Variants in ATP8A1 observed in about 807,000 individuals in gnomAD.
ATP8A1 encodes phospholipid-transporting ATPase IA.
A neutral mutation model predicts 177.7 loss-of-function variants in ATP8A1; 90 were observed. That is an observed-to-expected ratio of 0.51 (90% CI 0.43 to 0.60). ATP8A1 has a LOEUF of 0.60. Ranked by LOEUF, ATP8A1 falls within the 20% of genes least tolerant of loss-of-function variation. The pLI is 0.00. For synonymous variants in ATP8A1, 493 were observed against 485.9 expected (o/e 1.01, Z -0.19); for missense variants, 1,072 against 1,392.8 (o/e 0.77, Z 3.67).
chr4:42,580,670 G>A (rs12645745), intron 10 of ATP8A1, among the ~76,000 whole-genome samples: 27,902 of 152,098 alleles, frequency 0.18, 2,804 homozygotes, highest in East Asian at 0.35. Context: ...CAGCAATCTC[G>A]CTTGCCTATT....
intron 25 of ATP8A1, among the ~76,000 whole-genome samples, chr4:42,480,263 G>A (rs1300740940): frequency 2.0e-5 from 3 of 152,126 alleles, no homozygotes; most frequent in African/African-American, 7.2e-5. Flanking sequence ...GAATAGCAAA[G>A]GAGATGGACA....
At chr4:42,500,410 C>T (rs964708156) in intron 24 of ATP8A1, among the ~76,000 whole-genome samples, 1 of 137,938 alleles carries the variant, frequency 7.2e-6, no homozygotes, top group African/African-American at 2.7e-5. Flanking sequence ...CAAAACAAAA[C>T]AAAAACAGAA....
chr4:42,521,042 T>C (rs771478744), intron 22 of ATP8A1, among the ~76,000 whole-genome samples: 2 of 152,090 alleles, frequency 1.3e-5, no homozygotes, highest in Non-Finnish European at 2.9e-5. Context: ...GAGGTACTGG[T>C]GGCACCAGCC....
chr4:42,446,957 A>AAAGAACTCTGTT (rs1447387825), intron 30 of ATP8A1, among the ~76,000 whole-genome samples: 2 of 152,168 alleles, frequency 1.3e-5, no homozygotes, highest in African/African-American at 4.8e-5. Context: ...GGATCGTAAT[A>AAAGAACTCTGTT]AAGAACTCTG....
chr4:42,509,231 G>A (rs1462439381), intron 22 of ATP8A1, among the ~76,000 whole-genome samples: 1 of 152,206 alleles, frequency 6.6e-6, no homozygotes, highest in Non-Finnish European at 1.5e-5. Flanking sequence ...AATACCAACT[G>A]TATCTATCTC....
At chr4:42,508,518 T>C (rs974884964) in intron 22 of ATP8A1, among the ~76,000 whole-genome samples, 2 of 152,236 alleles carry the variant, frequency 1.3e-5, no homozygotes, top group African/African-American at 4.8e-5. Flanking sequence ...TCTTGGCTGT[T>C]AGGGAAACCT....
intron 33 of ATP8A1, 132 bp from the exon 34 acceptor site, chr4:42,423,837 G>A (rs1714279239): frequency 2.0e-6 from 1 of 493,020 alleles, no homozygotes; most frequent in Admixed American, 3.8e-5. Flanking sequence ...CTCTGAATTC[G>A]AACTTATGAA....
intron 33 of ATP8A1, among the ~76,000 whole-genome samples, chr4:42,429,388 T>G (rs979537213): frequency 2.0e-5 from 3 of 151,086 alleles, no homozygotes; most frequent in African/African-American, 7.3e-5. Flanking sequence ...AGTGTTTTGT[T>G]TTTTTTTTTG....
chr4:42,425,223 T>C (rs1560309551), intron 33 of ATP8A1, among the ~76,000 whole-genome samples: 1 of 150,402 alleles, frequency 6.6e-6, no homozygotes, highest in Non-Finnish European at 1.5e-5. Flanking sequence ...TTAATTTGGT[T>C]GGGGGGGGGC....
In ATP8A1 at chr4:42,414,663, A is replaced by T. The variant is rs1212537397; in HGVS notation, c.3361T>A (p.Leu1121Met). The T allele has an allele frequency of 6.2e-6, 10 of 1,613,958 alleles. No homozygotes were observed. In the African/African-American group the frequency reaches 1.2e-4, roughly 19 times the overall value. The change falls in exon 36 of 37, where the codon TTG becomes ATG. Residue 1121 changes from leucine to methionine, a missense_variant. Transcript: ENST00000381668. ...TGTTGCAAGGATTCAGAGCGGTACA[A>T]GTTCACGTGGTTCTTCTTAAAGACG... ...KNVFKKNHVN[L>M]YRSESLQQNL...
At chr4:42,514,306 C>T (rs1363007709) in intron 22 of ATP8A1, among the ~76,000 whole-genome samples, 3 of 152,148 alleles carry the variant, frequency 2.0e-5, no homozygotes, top group East Asian at 1.9e-4. Flanking sequence ...GCAAAAACAA[C>T]GCATCCATCT....
chr4:42,619,914 A>G (rs1183357238), intron 4 of ATP8A1, among the ~76,000 whole-genome samples: 7 of 152,156 alleles, frequency 4.6e-5, no homozygotes, highest in Non-Finnish European at 1.0e-4. Flanking sequence ...CACCCTTGCT[A>G]CAATAACCAC....
chr4:42,533,922 A>G (rs1418779762), intron 20 of ATP8A1, among the ~76,000 whole-genome samples: 1 of 152,152 alleles, frequency 6.6e-6, no homozygotes, highest in African/African-American at 2.4e-5. Context: ...GAACGGAAAT[A>G]ACAATCACTG....
chr4:42,485,779 G>A, intron 24 of ATP8A1, 111 bp from the exon 25 acceptor site: 1 of 883,472 alleles, frequency 1.1e-6, no homozygotes, highest in South Asian at 1.8e-5. Flanking sequence ...TGCTTTTTAT[G>A]TTTCAAATTG....
intron 25 of ATP8A1, among the ~76,000 whole-genome samples, chr4:42,479,497 G>T (rs75948681): frequency 6.6e-6 from 1 of 152,188 alleles, no homozygotes. Context: ...ACAGGTCAGA[G>T]AAATGCCATA....
intron 22 of ATP8A1, among the ~76,000 whole-genome samples, chr4:42,518,157 C>T (rs1725747974): frequency 6.6e-6 from 1 of 152,300 alleles, no homozygotes; most frequent in Admixed American, 6.5e-5. Context: ...ATTGGAGGAA[C>T]AAGAGGCAGA....
chr4:42,468,559 G>GT (rs1720067074), intron 25 of ATP8A1, among the ~76,000 whole-genome samples: 1 of 152,120 alleles, frequency 6.6e-6, no homozygotes, highest in Admixed American at 6.6e-5. Context: ...GACTATTATT[G>GT]TAAGTGAAGT....
intron 6 of ATP8A1, among the ~76,000 whole-genome samples, chr4:42,597,571 T>C (rs1180584673): frequency 6.6e-6 from 1 of 152,248 alleles, no homozygotes; most frequent in Non-Finnish European, 1.5e-5. Flanking sequence ...CCATGTGACA[T>C]TACAGATTTT....
At position 42,496,221 on chromosome 4, in the gene ATP8A1, A is replaced by G. The variant is rs181708544; in HGVS notation, c.2151+7229T>C. On this transcript the variant is annotated intron_variant, in intron 24 of 36. Coordinates refer to ENST00000381668, the MANE Select transcript of ATP8A1 (RefSeq NM_006095.2). ...TCTGTGTTTCAGCACGGGGGTGGGG[A>G]CATGTAGCAAAGACAGACAAATCCA... Among the ~76,000 whole-genome samples the G allele has an allele frequency of 3.0e-4, 45 of 152,266 alleles. 1 individual carries two copies. Among genetic ancestry groups the G allele is most frequent in the African/African-American group, 1.1e-3 (44 of 41,546 alleles).
Sources: gnomAD v4.1 joint callset for allele counts (sites outside exome capture counted in the v4.1 genomes callset) on GRCh38, gnomAD v4.1.1 for gene constraint, MANE v1.5 for transcripts, NCBI Gene and HGNC (gene_info 2026-07-23, HGNC 2026-07-21) for gene names.